ZNF69: variants seen among roughly 807,000 people sequenced by gnomAD.
ZNF69 encodes zinc finger protein 69.
Under a neutral mutation model 50.9 loss-of-function variants are expected in ZNF69, and 47 were observed. That is an observed-to-expected ratio of 0.92 (90% CI 0.73 to 1.18). The LOEUF (loss-of-function observed/expected upper bound fraction) is 1.18. ZNF69 is among the 50% of genes most tolerant of loss of function. ZNF69 has a pLI of 0.00. For missense variants in ZNF69, 717 were observed against 675.1 expected, an observed-to-expected ratio of 1.06 and a Z score of -0.69; for synonymous variants, 216 against 223.1, an observed-to-expected ratio of 0.97 and a Z score of 0.29.
chr19:11,947,507 A>T, the ZNF69 span: 26 of 1,612,120 alleles, frequency 1.6e-5, no homozygotes, highest in Non-Finnish European at 2.2e-5. Flanking sequence ...CTGTGTCTGT[A>T]TTTTAGGAAA....
chr19:11,958,662 A>G, the ZNF69 span, among the ~76,000 whole-genome samples: 9 of 152,152 alleles, frequency 5.9e-5, no homozygotes, highest in Admixed American at 5.9e-4. Flanking sequence ...TCCCTCACAC[A>G]CTGCCTAGGA....
chr19:11,937,986 T>G, the ZNF69 span, among the ~76,000 whole-genome samples: 1 of 152,222 alleles, frequency 6.6e-6, no homozygotes, highest in East Asian at 1.9e-4. Flanking sequence ...TCCCACATGC[T>G]TAGCGTTCCA....
the ZNF69 span, among the ~76,000 whole-genome samples, chr19:11,935,910 G>A: frequency 1.3e-5 from 2 of 152,182 alleles, no homozygotes; most frequent in South Asian, 2.1e-4. Context: ...CCCTGTGTCC[G>A]AGTGGTCTCA....
chr19:11,889,705 A>T (rs1443035701), intron 1 of ZNF69, among the ~76,000 whole-genome samples: 1 of 152,182 alleles, frequency 6.6e-6, no homozygotes, highest in Non-Finnish European at 1.5e-5. Flanking sequence ...ACAGAGACGA[A>T]GTATAGGGAA....
At chr19:11,894,713 A>G (rs1363479999) in intron 1 of ZNF69, among the ~76,000 whole-genome samples, 2 of 151,998 alleles carry the variant, frequency 1.3e-5, no homozygotes. Flanking sequence ...CTCCTAGTAT[A>G]CTCTGCATCT....
chr19:11,918,470 A>G (rs1280033375), downstream of ZNF69, among the ~76,000 whole-genome samples: 1 of 152,072 alleles, frequency 6.6e-6, no homozygotes, highest in Non-Finnish European at 1.5e-5. Flanking sequence ...ATTTGTAGTT[A>G]TCTCTCTTTT....
the ZNF69 span, chr19:11,949,278 T>C: frequency 6.2e-7 from 1 of 1,614,140 alleles, no homozygotes; most frequent in South Asian, 1.1e-5. Flanking sequence ...AGAAACCCTA[T>C]GAGTGTAAGC....
chr19:11,898,618 T>G (rs1005753616), intron 1 of ZNF69, among the ~76,000 whole-genome samples: 1 of 152,180 alleles, frequency 6.6e-6, no homozygotes, highest in Non-Finnish European at 1.5e-5. Context: ...CTCGAACTCC[T>G]GACCTCATAA....
At chr19:11,949,534 G>A in the ZNF69 span, 35 of 1,610,928 alleles carry the variant, frequency 2.2e-5, no homozygotes, top group Non-Finnish European at 2.9e-5. Context: ...AATGCCCTCT[G>A]GAGAAAGACC....
chr19:11,907,750 A>G (rs1240313950), downstream of ZNF69, among the ~76,000 whole-genome samples: 1 of 152,258 alleles, frequency 6.6e-6, no homozygotes, highest in African/African-American at 2.4e-5. Context: ...GAGGCTAGGA[A>G]GAAACTGTAT....
chr19:11,900,596 C>T (rs1972223090), intron 1 of ZNF69, among the ~76,000 whole-genome samples: 1 of 152,166 alleles, frequency 6.6e-6, no homozygotes, highest in Non-Finnish European at 1.5e-5. Context: ...CGGTGATCCA[C>T]CCGTCTCTGC....
chr19:11,955,750 A>G, the ZNF69 span, among the ~76,000 whole-genome samples: 3 of 152,202 alleles, frequency 2.0e-5, no homozygotes, highest in African/African-American at 7.2e-5. Flanking sequence ...ATTCGGAAAA[A>G]TATCAGTCCT....
At chr19:11,922,776 G>T in the ZNF69 span, among the ~76,000 whole-genome samples, 3 of 151,972 alleles carry the variant, frequency 2.0e-5, no homozygotes, top group African/African-American at 4.8e-5. Flanking sequence ...ATCCAAGGGG[G>T]TCAGGGTTTC....
chr19:11,969,400 G>A, the ZNF69 span, among the ~76,000 whole-genome samples: 4 of 152,134 alleles, frequency 2.6e-5, no homozygotes, highest in Non-Finnish European at 4.4e-5. Flanking sequence ...TCACTGCACC[G>A]GGCCTGACTT....
At chr19:11,891,923 T>G (rs1200637385) in intron 1 of ZNF69, among the ~76,000 whole-genome samples, 1 of 152,134 alleles carries the variant, frequency 6.6e-6, no homozygotes, top group Non-Finnish European at 1.5e-5. Flanking sequence ...AAAAGGCAAA[T>G]AAATATAATA....
chr19:11,927,753 T>C, the ZNF69 span, among the ~76,000 whole-genome samples: 2 of 152,232 alleles, frequency 1.3e-5, no homozygotes, highest in Admixed American at 6.5e-5. Flanking sequence ...CAGGACATTC[T>C]ATTGTTGTGG....
intron 4 of ZNF69, among the ~76,000 whole-genome samples, chr19:11,912,659 G>C (rs755138952): frequency 4.0e-5 from 6 of 151,816 alleles, no homozygotes; most frequent in African/African-American, 1.2e-4. Context: ...AGTTGCTTTC[G>C]ATGTCATGAA....
At chr19:11,918,772 A>T (rs989245808), downstream of ZNF69, among the ~76,000 whole-genome samples, 14 of 151,854 alleles carry the variant, frequency 9.2e-5, no homozygotes, top group Middle Eastern at 3.4e-3. Flanking sequence ...TTTTTTTTTT[A>T]AAACCAAGAT....
chr19:11,979,510 A>C, the ZNF69 span: 45 of 1,601,858 alleles, frequency 2.8e-5, no homozygotes, highest in African/African-American at 5.3e-4. Context: ...CATTTCAAAG[A>C]CATGAAAAAA....
Sources: gnomAD v4.1 joint callset for allele counts (sites outside exome capture counted in the v4.1 genomes callset) on GRCh38, gnomAD v4.1.1 for gene constraint, MANE v1.5 for transcripts, NCBI Gene and HGNC (gene_info 2026-07-23, HGNC 2026-07-21) for gene names.